NRXN1: variants seen among roughly 807,000 people sequenced by gnomAD.
NRXN1 encodes the protein neurexin-1.
A neutral mutation model predicts 150.9 loss-of-function variants in NRXN1; 39 were observed. The observed-to-expected ratio is 0.26, with a 90% confidence interval of 0.20 to 0.34. The LOEUF is 0.34. NRXN1 is among the 10% of genes least tolerant of loss of function. The probability of loss-of-function intolerance (pLI) is 1.00; values close to 1 mark genes in which losing one functional copy is unlikely to be tolerated. For missense variants in NRXN1, 1,815 were observed against 1,949.9 expected (o/e 0.93, Z 1.30); for synonymous variants, 924 against 757.0 (o/e 1.22, Z -3.62).
At chr2:50,137,853 C>T (rs890641851) in intron 18 of NRXN1, among the ~76,000 whole-genome samples, 26 of 152,138 alleles carry the variant, frequency 1.7e-4, no homozygotes, top group Non-Finnish European at 3.1e-4. Context: ...TTATAGCTTT[C>T]ATGTAAAACA....
At chr2:50,443,628 C>A (rs1436176345) in intron 17 of NRXN1, among the ~76,000 whole-genome samples, 1 of 152,136 alleles carries the variant, frequency 6.6e-6, no homozygotes, top group Non-Finnish European at 1.5e-5. Flanking sequence ...AATCTCTGAA[C>A]CTCAGCTTTT....
At chr2:50,312,426 T>C (rs2075258630) in intron 17 of NRXN1, among the ~76,000 whole-genome samples, 1 of 151,864 alleles carries the variant, frequency 6.6e-6, no homozygotes, top group African/African-American at 2.4e-5. Context: ...TTTGTGGGTT[T>C]TTTTTTTTCT....
chr2:50,838,318 G>C (rs1181535400), intron 5 of NRXN1, among the ~76,000 whole-genome samples: 4 of 152,094 alleles, frequency 2.6e-5, no homozygotes, highest in Non-Finnish European at 5.9e-5. Context: ...AGAAAAAATT[G>C]AGAGAACAGA....
intron 2 of NRXN1, among the ~76,000 whole-genome samples, chr2:50,950,727 G>A (rs1691186889): frequency 6.6e-6 from 1 of 152,134 alleles, no homozygotes; most frequent in Non-Finnish European, 1.5e-5. Context: ...ACAGCATTTT[G>A]GTAATAATAA....
intron 18 of NRXN1, among the ~76,000 whole-genome samples, chr2:50,208,824 C>T (rs1204092846): frequency 1.3e-5 from 2 of 152,150 alleles, no homozygotes; most frequent in African/African-American, 2.4e-5. Context: ...AACGTGCTAA[C>T]ATTCTTGCGT....
intron 12 of NRXN1, among the ~76,000 whole-genome samples, chr2:50,512,977 C>A (rs2105056627): frequency 6.6e-6 from 1 of 152,164 alleles, no homozygotes; most frequent in East Asian, 1.9e-4. Context: ...ATAAGAAAAG[C>A]TTGAACTTGG....
Position 50,053,341 on chromosome 2 carries a change from T to C in NRXN1, c.4058A>G (p.Glu1353Gly). The change falls in exon 21 of 23, where the codon GAG (glutamate) becomes GGG (glycine). Residue 1353 changes from glutamate to glycine, a missense_variant. Around this residue, in one of 6 missense-constraint regions of NRXN1, gnomAD observed 265 missense variants for 307.1 expected, o/e 0.86. Coordinates refer to ENST00000401669, the MANE Select transcript of NRXN1 (RefSeq NM_001330078.2). ...GCTAGTAGCCAGGGTCGTGGTAGTC[T>C]CCATAATTGATGTGGACATCTCTGA... is the stretch of plus-strand genomic sequence containing the variant. ...MQSEMSTSIM[E>G]TTTTLATSTA... is the part of the protein sequence containing the mutation. 2 of 1,614,032 alleles carry C rather than the reference T, an allele frequency of 1.2e-6. No homozygotes were observed. Among genetic ancestry groups the C allele is most frequent in the Non-Finnish European group, 1.7e-6 (2 of 1,179,930 alleles).
At chr2:50,587,114 T>A (rs2103740648) in intron 8 of NRXN1, among the ~76,000 whole-genome samples, 1 of 152,426 alleles carries the variant, frequency 6.6e-6, no homozygotes, top group South Asian at 2.1e-4. Context: ...TGTGTCTGGC[T>A]GTAACAGTTG....
In NRXN1 at chr2:50,002,145, C is replaced by T. The variant is rs1684051594; in HGVS notation, c.4128+51126G>A. On this transcript the variant is annotated intron_variant, in intron 21 of 22. Coordinates refer to ENST00000401669, the MANE Select transcript of NRXN1 (RefSeq NM_001330078.2). ...AGTCTAGTGAGAGCCAAGCAGAGGACTTAGTTAACCTGTGCCCCGACTTCA... is the reference window on the plus strand; with the variant it reads ...AGTCTAGTGAGAGCCAAGCAGAGGATTTAGTTAACCTGTGCCCCGACTTCA... 3.9e-5 allele frequency among the ~76,000 whole-genome samples: 6 copies of T among 152,012 alleles called. No homozygotes were observed. In the South Asian group the frequency reaches 1.2e-3, roughly 32 times the overall value.
intron 5 of NRXN1, among the ~76,000 whole-genome samples, chr2:50,789,293 G>A (rs944620786): frequency 2.0e-5 from 3 of 152,000 alleles, no homozygotes; most frequent in African/African-American, 4.8e-5. Flanking sequence ...ATGCTCAAAC[G>A]GCTTCCTTCT....
At chr2:50,752,796 T>G (rs1265479456) in intron 5 of NRXN1, among the ~76,000 whole-genome samples, 2 of 151,912 alleles carry the variant, frequency 1.3e-5, no homozygotes, top group Non-Finnish European at 2.9e-5. Flanking sequence ...CTTTCTGCAT[T>G]TCTTAGGATG....
At chr2:50,671,896 T>C (rs1408412467) in intron 5 of NRXN1, among the ~76,000 whole-genome samples, 1 of 151,840 alleles carries the variant, frequency 6.6e-6, no homozygotes, top group South Asian at 2.1e-4. Flanking sequence ...AAAAAGAAAA[T>C]AGAATGAGCT....
intron 5 of NRXN1, among the ~76,000 whole-genome samples, chr2:50,769,732 T>A (rs1702784279): frequency 6.6e-6 from 1 of 152,098 alleles, no homozygotes; most frequent in African/African-American, 2.4e-5. Flanking sequence ...TATACTTTCA[T>A]AAAGCCTTCA....
At chr2:50,191,936 G>C (rs868755712) in intron 18 of NRXN1, among the ~76,000 whole-genome samples, 7 of 152,088 alleles carry the variant, frequency 4.6e-5, no homozygotes, top group Non-Finnish European at 7.4e-5. Flanking sequence ...ATATTGGCTA[G>C]GAAGACATAT....
chr2:50,124,194 TA>T (rs1347255111), intron 18 of NRXN1, among the ~76,000 whole-genome samples: 2 of 152,106 alleles, frequency 1.3e-5, no homozygotes, highest in African/African-American at 4.8e-5. Context: ...ATCAACGATA[TA>T]AAATGCTGCT....
chr2:50,205,629 C>G (rs911269175), intron 18 of NRXN1, among the ~76,000 whole-genome samples: 1 of 152,076 alleles, frequency 6.6e-6, no homozygotes, highest in South Asian at 2.1e-4. Flanking sequence ...CAGCTAAGCA[C>G]TTTCCACACA....
At chr2:50,832,548 G>C (rs1232407284) in intron 5 of NRXN1, among the ~76,000 whole-genome samples, 1 of 152,168 alleles carries the variant, frequency 6.6e-6, no homozygotes, top group Non-Finnish European at 1.5e-5. Context: ...AGCTACTCCA[G>C]AGGGTGAGGC....
chr2:50,367,642 A>G (rs2079684857), intron 17 of NRXN1, among the ~76,000 whole-genome samples: 1 of 151,974 alleles, frequency 6.6e-6, no homozygotes, highest in Non-Finnish European at 1.5e-5. Context: ...CTTGAAGTCC[A>G]TGAAAGCATA....
At chr2:50,287,891 T>A (rs1281584533) in intron 17 of NRXN1, among the ~76,000 whole-genome samples, 1 of 152,156 alleles carries the variant, frequency 6.6e-6, no homozygotes, top group Non-Finnish European at 1.5e-5. Context: ...GCTAGCCTAT[T>A]ATTTCCTGAT....
Sources: gnomAD v4.1 joint callset for allele counts (sites outside exome capture counted in the v4.1 genomes callset) on GRCh38, gnomAD v4.1.1 for gene constraint, gnomAD v4.1.1 regional missense constraint, MANE v1.5 for transcripts, NCBI Gene and HGNC (gene_info 2026-07-23, HGNC 2026-07-21) for gene names.